Variants in CNOT3 observed in about 807,000 individuals in gnomAD.
CNOT3 encodes CCR4-associated factor 3.
A neutral mutation model predicts 89.4 loss-of-function variants in CNOT3; 2 were observed. The observed-to-expected ratio is 0.02, with a 90% CI of 0.01 to 0.07. The LOEUF is 0.07. CNOT3 is among the 10% of genes least tolerant of loss of function. CNOT3 has a pLI of 1.00. For missense variants in CNOT3, 664 were observed against 1,010.2 expected, an observed-to-expected ratio of 0.66 and a Z score of 4.65; for synonymous variants, 486 against 402.0, an observed-to-expected ratio of 1.21 and a Z score of -2.50.
chr19:54,138,946 C>T (rs1264928801), intron 1 of CNOT3, among the ~76,000 whole-genome samples: 1 of 152,196 alleles, frequency 6.6e-6, no homozygotes, highest in Non-Finnish European at 1.5e-5. Context: ...TCCCCTGCAT[C>T]GTGACTCTCC....
chr19:54,149,078 A>G (rs1568659066), intron 12 of CNOT3, among the ~76,000 whole-genome samples: 1 of 152,124 alleles, frequency 6.6e-6, no homozygotes. Context: ...TCACTTTTCA[A>G]AGTGAATTGT....
In CNOT3 at chr19:54,148,816, C is replaced by G; in HGVS notation, c.1406+73C>G. On this transcript the variant is annotated intron_variant, in intron 12 of 17. Coordinates refer to ENST00000221232, the MANE Select transcript of CNOT3 (RefSeq NM_014516.4). This position sits in a 1 kb window ranked among gnomAD's most constrained non-coding sequence, Gnocchi z 6.3. ...CAGAGAGGCGCAGGCGCCTCACCCC[C>G]GCATCGGTGGGTTCTGAACCCCCCG... 2.0e-6 allele frequency: 3 copies of G among 1,484,722 alleles called. No individual in the cohort carries two copies. The highest frequency in any genetic ancestry group is 2.4e-5 in the East Asian group (1 of 42,104). 92.0% of individuals were successfully genotyped at this position (1,484,722 alleles called of 1,614,324 possible).
At position 54,148,366 on chromosome 19, in the gene CNOT3, T is replaced by C. The variant is rs2074807285; in HGVS notation, c.1113T>C (p.Tyr371=). 6.4e-7 allele frequency: 1 copy of C among 1,571,874 alleles called. No homozygotes were observed. Among genetic ancestry groups the C allele is most frequent in the African/African-American group, 1.4e-5 (1 of 73,930 alleles). The change falls in exon 11 of 18, where the codon TAT becomes TAC. Residue 371 remains tyrosine, a synonymous_variant. Transcript: ENST00000221232. The surrounding 1 kb of genome is among the most constrained non-coding windows in gnomAD (Gnocchi z 6.3). ...ACAACTCGGGCACCCCTGCTCCCTA[T>C]GCCCAGGCTGTGGCCCCACCAGCTC... ...PSHNSGTPAP[Y]AQAVAPPAPS... is the part of the protein sequence containing the mutation.
chr19:54,152,355 C>A (rs377006505), intron 14 of CNOT3, 30 bp downstream of exon 14: 24 of 1,613,936 alleles, frequency 1.5e-5, no homozygotes, highest in Non-Finnish European at 1.9e-5. Context: ...GGGGAAGCAG[C>A]GGGCCAAAGA....
Position 54,144,137 on chromosome 19 carries a change from G to A in CNOT3, c.387+3G>A. 1 of 1,606,924 alleles carries A rather than the reference G, an allele frequency of 6.2e-7. No individual in the cohort carries two copies. Among genetic ancestry groups the A allele is most frequent in the Non-Finnish European group, 8.5e-7 (1 of 1,175,952 alleles). On this transcript the variant is annotated splice_donor_region_variant and intron_variant, in intron 6 of 17. Coordinates refer to ENST00000221232, the MANE Select transcript of CNOT3 (RefSeq NM_014516.4). The surrounding 1 kb of genome is among the most constrained non-coding windows in gnomAD (Gnocchi z 4.8). Reference sequence around the variant, plus strand: ...AAGAGGTTGGCCAGTGGCTCACGGTGAGTTGGGGTAGAGAAGAGGAGGTGA... The same window carrying A: ...AAGAGGTTGGCCAGTGGCTCACGGTAAGTTGGGGTAGAGAAGAGGAGGTGA...
At chr19:54,150,965 A>T (rs939770842) in intron 13 of CNOT3, among the ~76,000 whole-genome samples, 2 of 151,786 alleles carry the variant, frequency 1.3e-5, no homozygotes, top group East Asian at 3.9e-4. Flanking sequence ...TAATTTTTAT[A>T]TTTTTAATAG....
chr19:54,152,782 C>G (rs1297924861), intron 15 of CNOT3, 85 bp from the exon 16 acceptor site: 8 of 847,516 alleles, frequency 9.4e-6, no homozygotes, highest in Non-Finnish European at 1.4e-5. Flanking sequence ...ACCACCTCCC[C>G]CCGCAGGGAT....
chr19:54,155,572 G>A lies in CNOT3; in HGVS notation c.*165G>A. 2.1e-6 allele frequency: 2 copies of A among 971,602 alleles called. No individual in the cohort carries two copies. The highest frequency in any genetic ancestry group is 3.0e-6 in the Non-Finnish European group (2 of 664,340). 60.2% of individuals were successfully genotyped at this position (971,602 alleles called of 1,614,324 possible). ...GAGGTTTTCCTCTCAGCCCCACCCT[G>A]GGGGCCCGGGGGCGAGGGCTGCCCC... On this transcript the variant is annotated 3_prime_UTR_variant, in exon 18 of 18. Coordinates refer to ENST00000221232, the MANE Select transcript of CNOT3 (RefSeq NM_014516.4).
At position 54,152,410 on chromosome 19, in the gene CNOT3, C is replaced by G; in HGVS notation, c.1706-18C>G. On this transcript the variant is annotated intron_variant, in intron 14 of 17. Coordinates refer to ENST00000221232, the MANE Select transcript of CNOT3 (RefSeq NM_014516.4). ...CATCCTCACCACTGAGGGGGCCGGA[C>G]CCCCACCCTCCCCACAGACATCATC... is the stretch of plus-strand genomic sequence containing the variant. 6.2e-7 allele frequency: 1 copy of G among 1,613,786 alleles called. No individual in the cohort carries two copies. The highest frequency in any genetic ancestry group is 8.5e-7 in the Non-Finnish European group (1 of 1,179,688).
intron 13 of CNOT3, among the ~76,000 whole-genome samples, chr19:54,151,848 C>T (rs183460535): frequency 1.1e-4 from 16 of 152,306 alleles, no homozygotes; most frequent in Admixed American, 7.2e-4. Flanking sequence ...GCTCTCCCAG[C>T]GTGTAGGTGT....
chr19:54,149,634 C>G lies in CNOT3; in HGVS notation c.1481C>G (p.Pro494Arg). Reference protein sequence around the residue: ...APGSGNNSGGPSLLVPLPVNP... With the variant: ...APGSGNNSGGRSLLVPLPVNP... ...GGCTCAGGGAACAACTCAGGGGGAC[C>G]CAGCCTCCTGGTGCCACTGCCTGTG... The change falls in exon 13 of 18, where the codon CCC becomes CGC. Residue 494 changes from proline to arginine, a missense_variant. Transcript: ENST00000221232. The G allele has an allele frequency of 6.2e-7, 1 of 1,613,784 alleles. No individual in the cohort carries two copies. The highest frequency in any genetic ancestry group is 1.1e-5 in the South Asian group (1 of 91,022).
chr19:54,143,216 G>C (rs757088109), intron 3 of CNOT3, 30 bp downstream of exon 3: 1 of 1,599,720 alleles, frequency 6.3e-7, no homozygotes, highest in South Asian at 1.1e-5. Flanking sequence ...AATAATCTGG[G>C]TCTTCAGAGA....
At chr19:54,143,330 G>T in intron 3 of CNOT3, 112 bp from the exon 4 acceptor site, 1 of 1,228,122 alleles carries the variant, frequency 8.1e-7, no homozygotes, top group Non-Finnish European at 1.2e-6. Context: ...AAGATGGATT[G>T]GGGGTAGGGG....
intron 10 of CNOT3, among the ~76,000 whole-genome samples, chr19:54,146,943 G>A (rs1277100613): frequency 6.6e-6 from 1 of 152,186 alleles, no homozygotes; most frequent in Admixed American, 6.5e-5. Flanking sequence ...GCAGGGAGAG[G>A]TGGCAGCCAG....
In CNOT3 at chr19:54,149,847, C is replaced by T. The variant is rs1269708423; in HGVS notation, c.1605+89C>T. 3.8e-5 allele frequency: 48 copies of T among 1,251,936 alleles called. No individual in the cohort carries two copies. The Middle Eastern group carries it at 5.7e-4, about 15-fold the overall frequency. The allele number at this position is 1,251,936 out of a possible 1,614,324, so 77.6% of individuals were successfully genotyped here. A position where few individuals can be genotyped will look rare whatever the true frequency, so the allele number is the denominator to read the frequency against. On this transcript the variant is annotated intron_variant, in intron 13 of 17. Coordinates refer to ENST00000221232, the MANE Select transcript of CNOT3 (RefSeq NM_014516.4). ...CTCTAGCTGCACCCCTTGCCCCCAC[C>T]CTCTTTCTGGATCTCTCTCTGGCTT...
intron 12 of CNOT3, among the ~76,000 whole-genome samples, chr19:54,149,328 C>T (rs1177867596): frequency 1.3e-5 from 2 of 152,178 alleles, no homozygotes; most frequent in Non-Finnish European, 2.9e-5. Context: ...ACCCGAGAAT[C>T]CTCACCCCCA....
In CNOT3 at chr19:54,145,856, G is replaced by A. The variant is rs199874706; in HGVS notation, c.703+39G>A. 1.2e-4 allele frequency: 193 copies of A among 1,609,724 alleles called. No individual in the cohort carries two copies. The highest frequency in any genetic ancestry group is 2.2e-4 in the Admixed American group (13 of 59,918). On this transcript the variant is annotated intron_variant, in intron 8 of 17. Coordinates refer to ENST00000221232, the MANE Select transcript of CNOT3 (RefSeq NM_014516.4). This position sits in a 1 kb window ranked among gnomAD's most constrained non-coding sequence, Gnocchi z 5.9. Reference sequence around the variant, plus strand: ...GCTGATCGTGGCACAGGAAGTGAGGGCCCAGAATGGGCTGTGTGAGCCAGC... The same window carrying A: ...GCTGATCGTGGCACAGGAAGTGAGGACCCAGAATGGGCTGTGTGAGCCAGC...
Position 54,144,353 on chromosome 19 carries a change from AC to A in CNOT3, c.483+23del, listed in dbSNP as rs753163786. 20 of 1,583,086 alleles carry A rather than the reference AC, an allele frequency of 1.3e-5. No homozygotes were observed. The highest frequency in any genetic ancestry group is 8.7e-6 in the Non-Finnish European group (10 of 1,152,626). ...AGGATGTGAGTGAGGGAGACCCGAC[AC>A]CTTTGGGATGGGGATGGGCATGGGA... On this transcript the variant is annotated intron_variant, in intron 7 of 17. Coordinates refer to ENST00000221232, the MANE Select transcript of CNOT3 (RefSeq NM_014516.4). The surrounding 1 kb of genome is among the most constrained non-coding windows in gnomAD (Gnocchi z 4.8).
chr19:54,150,832 C>T (rs2075053510), intron 13 of CNOT3, among the ~76,000 whole-genome samples: 1 of 151,662 alleles, frequency 6.6e-6, no homozygotes, highest in African/African-American at 2.4e-5. Context: ...GCTCTGTCAC[C>T]CAGGCTGGAG....
Sources: gnomAD v4.1 joint callset for allele counts (sites outside exome capture counted in the v4.1 genomes callset) on GRCh38, gnomAD v4.1.1 for gene constraint, Gnocchi (gnomAD v3.1) non-coding constraint, MANE v1.5 for transcripts, NCBI Gene and HGNC (gene_info 2026-07-23, HGNC 2026-07-21) for gene names.